Variants in RAD18 observed in about 807,000 individuals in gnomAD.
RAD18 encodes the protein E3 ubiquitin-protein ligase RAD18.
Under a neutral mutation model 60.4 loss-of-function variants are expected in RAD18, and 47 were observed. That is an observed-to-expected ratio of 0.78 (90% CI 0.62 to 0.99). The LOEUF is 0.99. Ranked by LOEUF, RAD18 falls within the 50% of genes least tolerant of loss-of-function variation. The probability of loss-of-function intolerance (pLI) is 0.00; values close to 1 mark genes in which losing one functional copy is unlikely to be tolerated. For missense variants in RAD18, 640 were observed against 593.3 expected (o/e 1.08, Z -0.82); for synonymous variants, 225 against 195.5 (o/e 1.15, Z -1.26).
intron 6 of RAD18, among the ~76,000 whole-genome samples, chr3:8,937,114 A>G (rs998892587): frequency 3.3e-5 from 5 of 152,254 alleles, no homozygotes; most frequent in Non-Finnish European, 7.3e-5. Flanking sequence ...TGCTCTTCTT[A>G]CAATGACAAC....
chr3:8,955,676 T>A (rs537380884), intron 2 of RAD18, among the ~76,000 whole-genome samples: 1 of 152,260 alleles, frequency 6.6e-6, no homozygotes, highest in East Asian at 1.9e-4. Context: ...CTGGAGAACC[T>A]GCAATACCAT....
intron 9 of RAD18, among the ~76,000 whole-genome samples, chr3:8,907,034 T>G (rs1291463588): frequency 6.6e-6 from 1 of 152,230 alleles, no homozygotes; most frequent in Non-Finnish European, 1.5e-5. Context: ...AGGTGAACTC[T>G]CTGCAGATCA....
chr3:8,915,193 T>C lies in RAD18; in HGVS notation c.890-1473A>G, dbSNP rs115760373. 6.7e-3 allele frequency among the ~76,000 whole-genome samples: 1,015 copies of C among 151,308 alleles called. 7 individuals carry two copies. Among genetic ancestry groups the C allele is most frequent in the African/African-American group, 0.024 (974 of 41,302 alleles). On this transcript the variant is annotated intron_variant, in intron 7 of 12. Coordinates refer to ENST00000264926, the MANE Select transcript of RAD18 (RefSeq NM_020165.4). ...AACTATATTAGGATTGGGTAGAATT[T>C]AGTGGCTTAAATCTTCTTCAGGGAG... is the stretch of plus-strand genomic sequence containing the variant.
intron 4 of RAD18, 112 bp from the exon 5 acceptor site, chr3:8,941,916 T>C (rs1012286243): frequency 6.0e-6 from 6 of 1,001,458 alleles, no homozygotes; most frequent in Non-Finnish European, 8.7e-6. Flanking sequence ...ACAGGACCTA[T>C]ACTATAATGA....
chr3:8,957,989 T>A (rs1167933895), intron 2 of RAD18, among the ~76,000 whole-genome samples: 2 of 152,266 alleles, frequency 1.3e-5, no homozygotes, highest in African/African-American at 4.8e-5. Context: ...TGGTTTTTAA[T>A]GTGAATCTTG....
chr3:8,895,996 A>G (rs1308061902), intron 11 of RAD18, among the ~76,000 whole-genome samples: 3 of 152,168 alleles, frequency 2.0e-5, no homozygotes, highest in Non-Finnish European at 4.4e-5. Context: ...CTCTTGCTAT[A>G]GCCATATCTG....
At chr3:8,954,611 A>G (rs538006558) in intron 2 of RAD18, among the ~76,000 whole-genome samples, 1 of 152,290 alleles carries the variant, frequency 6.6e-6, no homozygotes, top group East Asian at 1.9e-4. Context: ...CTGCCAAGGC[A>G]CCCCACTCAC....
intron 2 of RAD18, among the ~76,000 whole-genome samples, chr3:8,955,016 T>C (rs1031239406): frequency 6.6e-6 from 1 of 152,196 alleles, no homozygotes; most frequent in South Asian, 2.1e-4. Flanking sequence ...TCTTAAAGAA[T>C]GGCATAAGTG....
In RAD18 at chr3:8,921,637, C is replaced by A. The variant is rs573878058; in HGVS notation, c.890-7917G>T. ...CCTGGGTGACAGAGCAAGACCCTATCTTTAAAAAAAAACAAGACAGAATGA... is the reference window on the plus strand; with the variant it reads ...CCTGGGTGACAGAGCAAGACCCTATATTTAAAAAAAAACAAGACAGAATGA... On this transcript the variant is annotated intron_variant, in intron 7 of 12. Transcript: ENST00000264926. 5.3e-5 allele frequency among the ~76,000 whole-genome samples: 8 copies of A among 151,606 alleles called. No individual in the cohort carries two copies. In the South Asian group the frequency reaches 1.7e-3, roughly 32 times the overall value.
intron 7 of RAD18, among the ~76,000 whole-genome samples, chr3:8,914,725 CT>C (rs1940166168): frequency 1.3e-5 from 2 of 152,274 alleles, no homozygotes; most frequent in Admixed American, 1.3e-4. Context: ...TGGTTCTCTC[CT>C]TTCCAAAATG....
chr3:8,927,224 A>T (rs112967917), intron 7 of RAD18, among the ~76,000 whole-genome samples: 2,392 of 152,314 alleles, frequency 0.016, 65 homozygotes, highest in African/African-American at 0.055. Flanking sequence ...AAAAACACAA[A>T]CAAACCCATC....
intron 9 of RAD18, among the ~76,000 whole-genome samples, chr3:8,907,271 G>A (rs1940025121): frequency 6.6e-6 from 1 of 152,034 alleles, no homozygotes; most frequent in Admixed American, 6.5e-5. Context: ...TATTTCATAT[G>A]TTTTGTACAT....
intron 7 of RAD18, among the ~76,000 whole-genome samples, chr3:8,915,134 C>T (rs1320779141): frequency 6.8e-5 from 8 of 118,284 alleles, no homozygotes; most frequent in Non-Finnish European, 1.2e-4. Flanking sequence ...AGCGACAAAG[C>T]GAGACTCCGT....
intron 9 of RAD18, among the ~76,000 whole-genome samples, chr3:8,906,619 T>C (rs183699911): frequency 6.6e-6 from 1 of 152,312 alleles, no homozygotes; most frequent in African/African-American, 2.4e-5. Flanking sequence ...GTTTTCTCTC[T>C]ATCTCAGAGA....
Position 8,902,383 on chromosome 3 carries a change from T to C in RAD18, c.1165A>G (p.Met389Val). The stretch of plus-strand genomic sequence containing the variant: ...GTTTTTAATTATAGTCTCTTACCCA[T>C]GCATACAGAAGATAGCTTTTCTGTA... ...ESTEKLSSVC[M>V]GQEDNMTSVT... The change falls in exon 10 of 13, where the codon ATG becomes GTG. Residue 389 changes from methionine to valine, a missense_variant. Transcript: ENST00000264926. 6.3e-7 allele frequency: 1 copy of C among 1,585,504 alleles called. No individual in the cohort carries two copies. The highest frequency in any genetic ancestry group is 8.6e-7 in the Non-Finnish European group (1 of 1,167,436).
intron 11 of RAD18, among the ~76,000 whole-genome samples, chr3:8,894,778 T>TTTTTTA (rs1939756786): frequency 6.7e-6 from 1 of 149,806 alleles, no homozygotes; most frequent in African/African-American, 2.5e-5. Flanking sequence ...TTTTTTTTTT[T>TTTTTTA]GAGATGGAGT....
At chr3:8,920,910 T>C (rs1395438915) in intron 7 of RAD18, among the ~76,000 whole-genome samples, 2 of 152,220 alleles carry the variant, frequency 1.3e-5, no homozygotes, top group East Asian at 3.8e-4. Context: ...AAGGTTATTA[T>C]TGGGTCCACT....
intron 7 of RAD18, among the ~76,000 whole-genome samples, chr3:8,924,114 G>T: frequency 6.6e-6 from 1 of 152,098 alleles, no homozygotes; most frequent in Non-Finnish European, 1.5e-5. Flanking sequence ...GACACAGACT[G>T]GCAAATTGGA....
intron 1 of RAD18, among the ~76,000 whole-genome samples, chr3:8,960,732 C>T (rs1354004141): frequency 6.6e-6 from 1 of 152,218 alleles, no homozygotes; most frequent in South Asian, 2.1e-4. Flanking sequence ...CTGGATCAAA[C>T]CCAAGAAGTT....
Sources: allele counts gnomAD v4.1 joint callset (sites outside exome capture counted in the v4.1 genomes callset), GRCh38; gene constraint gnomAD v4.1.1; transcripts MANE v1.5; gene names NCBI Gene and HGNC (gene_info 2026-07-23, HGNC 2026-07-21).